Variants in HCFC2 observed in about 807,000 individuals in gnomAD.
HCFC2 encodes host cell factor 2.
In HCFC2, 18 loss-of-function variants were observed where a neutral mutation model predicts 89.2. The ratio of observed to expected loss-of-function variants is 0.20; its 90% CI spans 0.14 to 0.30. The LOEUF (loss-of-function observed/expected upper bound fraction) is 0.30. Among genes scored for constraint, HCFC2 ranks in the 10% least tolerant of loss-of-function variants. The pLI is 1.00. For missense variants in HCFC2, 578 were observed against 956.1 expected, an observed-to-expected ratio of 0.60 and a Z score of 5.21; for synonymous variants, 308 against 335.7, an observed-to-expected ratio of 0.92 and a Z score of 0.90.
chr12:104,088,584 C>T (rs949908447), intron 9 of HCFC2, among the ~76,000 whole-genome samples: 1 of 152,094 alleles, frequency 6.6e-6, no homozygotes, highest in Non-Finnish European at 1.5e-5. Flanking sequence ...TACTAAGATT[C>T]ATTATTTTTA....
At position 104,103,877 on chromosome 12, in the gene HCFC2, A is replaced by G. The variant is rs181716294; in HGVS notation, c.*604A>G. The G allele has an allele frequency of 9.2e-5, 14 of 152,238 alleles. No homozygotes were observed. The highest frequency in any genetic ancestry group is 3.4e-4 in the African/African-American group (14 of 41,578). 9.4% of individuals were successfully genotyped at this position (152,238 alleles called of 1,614,324 possible). A position where few individuals can be genotyped will look rare whatever the true frequency, so the allele number is the denominator to read the frequency against. On this transcript the variant is annotated 3_prime_UTR_variant, in exon 15 of 15. Transcript: ENST00000229330. ...GCTTTTGAACTTTTATTATTTTCCA[A>G]GAATCATGGTAAAATACAACAAGAA...
Position 104,102,114 on chromosome 12 carries a change from T to C in HCFC2, c.2025T>C (p.Pro675=), listed in dbSNP as rs755960644. 2 of 1,613,930 alleles carry C rather than the reference T, an allele frequency of 1.2e-6. No individual in the cohort carries two copies. Among genetic ancestry groups the C allele is most frequent in the Admixed American group, 3.3e-5 (2 of 60,024 alleles). The change falls in exon 14 of 15, where the codon CCT becomes CCC. Residue 675 remains proline (P), a synonymous_variant. Coordinates refer to ENST00000229330, the MANE Select transcript of HCFC2 (RefSeq NM_013320.3). ...SKISEFKTCI[P]GFPGAPSAVR... is the part of the protein sequence containing the mutation. Reference sequence around the variant, plus strand: ...TCAGTGAATTTAAAACTTGTATTCCTGGTTTTCCTGGAGCTCCTTCTGCAG... The same window carrying C: ...TCAGTGAATTTAAAACTTGTATTCCCGGTTTTCCTGGAGCTCCTTCTGCAG...
intron 13 of HCFC2, among the ~76,000 whole-genome samples, chr12:104,100,773 C>G (rs554552160): frequency 6.6e-6 from 1 of 152,006 alleles, no homozygotes; most frequent in Non-Finnish European, 1.5e-5. Context: ...AATAGAAATT[C>G]TAGTTAATAA....
chr12:104,074,412 G>A (rs967811985), intron 3 of HCFC2, among the ~76,000 whole-genome samples: 53 of 152,172 alleles, frequency 3.5e-4, no homozygotes, highest in African/African-American at 1.2e-3. Flanking sequence ...CTCCCACCTT[G>A]GCCTCCCAAA....
At chr12:104,098,606 A>G in intron 13 of HCFC2, 126 bp downstream of exon 13, 1 of 945,510 alleles carries the variant, frequency 1.1e-6, no homozygotes, top group South Asian at 1.8e-5. Context: ...ACCCTGATTC[A>G]GGTCACTTGA....
At chr12:104,092,459 CA>C (rs1386716110) in intron 9 of HCFC2, among the ~76,000 whole-genome samples, 26 of 150,068 alleles carry the variant, frequency 1.7e-4, no homozygotes, top group Non-Finnish European at 1.5e-4. Flanking sequence ...GATCCTGTCT[CA>C]AAAAAAATAA....
chr12:104,081,756 G>A (rs1883691875), intron 5 of HCFC2, among the ~76,000 whole-genome samples: 1 of 151,774 alleles, frequency 6.6e-6, no homozygotes, highest in Non-Finnish European at 1.5e-5. Context: ...AAATAGAGCT[G>A]TAGCCAGGCG....
chr12:104,086,148 C>A (rs1883835742), intron 7 of HCFC2, among the ~76,000 whole-genome samples: 1 of 152,024 alleles, frequency 6.6e-6, no homozygotes, highest in African/African-American at 2.4e-5. Context: ...CAGGCGCCAG[C>A]CACAACGCCT....
rs774893288 is a variant in HCFC2, at chr12:104,086,996, G to C, written c.1213G>C (p.Ala405Pro). 1 of 1,613,684 alleles carries C rather than the reference G, an allele frequency of 6.2e-7. No homozygotes were observed. Among genetic ancestry groups the C allele is most frequent in the South Asian group, 1.1e-5 (1 of 91,064 alleles). ...CCAAGCTGCATCATCAGATTCTTCA[G>C]CAGCACCAAATATGCAAGGTAACAT... Reference protein sequence around the residue: ...PYQAASSDSSAAPNMQGVRMD... With the variant: ...PYQAASSDSSPAPNMQGVRMD... Residue 405 changes from alanine (A) to proline (P), a missense_variant, in exon 8 of 15, where the codon GCA becomes CCA. Ala to Pro is a conservative substitution (Grantham distance 27, BLOSUM62 -1). Coordinates refer to ENST00000229330, the MANE Select transcript of HCFC2 (RefSeq NM_013320.3).
Position 104,102,236 on chromosome 12 carries a change from C to G in HCFC2, c.2064+83C>G. 1.7e-6 allele frequency: 2 copies of G among 1,189,670 alleles called. 1 individual carries two copies. Among genetic ancestry groups the G allele is most frequent in the South Asian group, 3.3e-5 (2 of 61,270 alleles). The allele number at this position is 1,189,670 out of a possible 1,614,324, so 73.7% of individuals were successfully genotyped here. A position where few individuals can be genotyped will look rare whatever the true frequency, so the allele number is the denominator to read the frequency against. Reference sequence around the variant, plus strand: ...GAAGTAAACTGTCAGTTTAGAAATTCTTGTTACCATCTAATGAAATGAGAG... The same window carrying G: ...GAAGTAAACTGTCAGTTTAGAAATTGTTGTTACCATCTAATGAAATGAGAG... On this transcript the variant is annotated intron_variant, in intron 14 of 14. Transcript: ENST00000229330.
At position 104,087,009 on chromosome 12, in the gene HCFC2, T is replaced by C; in HGVS notation, c.1226T>C (p.Met409Thr). The C allele has an allele frequency of 1.2e-6, 2 of 1,613,432 alleles. No homozygotes were observed. Among genetic ancestry groups the C allele is most frequent in the Admixed American group, 1.7e-5 (1 of 59,960 alleles). ...TCAGATTCTTCAGCAGCACCAAATA[T>C]GCAAGGTAACATAATTTTCATGCTT... ...ASSDSSAAPN[M>T]QGVRMDPHRQ... The change falls in exon 8 of 15, where the codon ATG (methionine) becomes ACG (threonine). Residue 409 changes from methionine to threonine, a missense_variant. This residue lies in a region of HCFC2 where 210 missense variants were observed against 251.7 expected (regional missense o/e 0.83). Transcript: ENST00000229330.
Position 104,103,148 on chromosome 12 carries a change from C to T in HCFC2, c.2254C>T (p.His752Tyr). Reference sequence around the variant, plus strand: ...AACTGCTGGGCAACTTGCAAATGCACATATTGATTATACATCCAGGCCTGC... The same window carrying T: ...AACTGCTGGGCAACTTGCAAATGCATATATTGATTATACATCCAGGCCTGC... The part of the protein sequence containing the change: ...IVTAGQLANA[H>Y]IDYTSRPAIV... The change falls in exon 15 of 15, where the codon CAT (histidine) becomes TAT (tyrosine). Residue 752 changes from histidine (H) to tyrosine (Y), a missense_variant. Coordinates refer to ENST00000229330, the MANE Select transcript of HCFC2 (RefSeq NM_013320.3). 1.2e-6 allele frequency: 2 copies of T among 1,614,074 alleles called. No homozygotes were observed. The highest frequency in any genetic ancestry group is 1.7e-6 in the Non-Finnish European group (2 of 1,179,946).
At chr12:104,098,572 T>A in intron 13 of HCFC2, 92 bp downstream of exon 13, 2 of 1,291,426 alleles carry the variant, frequency 1.5e-6, no homozygotes, top group Non-Finnish European at 2.1e-6. Flanking sequence ...AAAAAAAAAT[T>A]AAGAATGAGA....
chr12:104,068,043 A>G lies in HCFC2; in HGVS notation c.409A>G (p.Asn137Asp), dbSNP rs1191785404. ...TGGACATAGCTTCTCTTTATATGGT[A>G]ACAAATGCTATTTGTTTGGTGGCCT... ...RLGHSFSLYG[N>D]KCYLFGGLAN... The change falls in exon 3 of 15, where the codon AAC becomes GAC. Residue 137 changes from asparagine to aspartate, a missense_variant. By Grantham distance (23) the Asn-to-Asp change is conservative (BLOSUM62 1). Coordinates refer to ENST00000229330, the MANE Select transcript of HCFC2 (RefSeq NM_013320.3). The surrounding 1 kb of genome is among the most constrained non-coding windows in gnomAD (Gnocchi z 4.1). 2.5e-6 allele frequency: 4 copies of G among 1,602,986 alleles called. No homozygotes were observed. In the African/African-American group the frequency reaches 4.1e-5, roughly 16 times the overall value.
intron 9 of HCFC2, 41 bp from the exon 10 acceptor site, chr12:104,093,345 T>C: frequency 7.3e-7 from 1 of 1,374,976 alleles, no homozygotes. Flanking sequence ...TGTATTTCAT[T>C]GAATATTGCT....
At chr12:104,096,906 G>A (rs1455710838) in intron 12 of HCFC2, among the ~76,000 whole-genome samples, 1 of 152,132 alleles carries the variant, frequency 6.6e-6, no homozygotes, top group East Asian at 1.9e-4. Flanking sequence ...TTGAATGGCT[G>A]TATTGCTAGC....
rs1270370053 is a variant in HCFC2, at chr12:104,068,013, C to G, written c.379C>G (p.Arg127Gly). 1 of 1,609,344 alleles carries G rather than the reference C, an allele frequency of 6.2e-7. No homozygotes were observed. The highest frequency in any genetic ancestry group is 8.5e-7 in the Non-Finnish European group (1 of 1,178,182). ...TCCTTCTGGTTTACCTCCTTGTCCT[C>G]GGCTTGGACATAGCTTCTCTTTATA... ...PPPSGLPPCP[R>G]LGHSFSLYGN... Residue 127 changes from arginine (R) to glycine (G), a missense_variant, in exon 3 of 15, where the codon CGG becomes GGG. Arg to Gly is a moderately radical substitution (Grantham distance 125, BLOSUM62 -2). Around this residue, in one of 4 missense-constraint regions of HCFC2, gnomAD observed 206 missense variants for 419.2 expected, o/e 0.49. Coordinates refer to ENST00000229330, the MANE Select transcript of HCFC2 (RefSeq NM_013320.3). This position sits in a 1 kb window ranked among gnomAD's most constrained non-coding sequence, Gnocchi z 4.1.
At chr12:104,094,991 A>C (rs1884133196) in intron 10 of HCFC2, among the ~76,000 whole-genome samples, 1 of 152,166 alleles carries the variant, frequency 6.6e-6, no homozygotes, top group Non-Finnish European at 1.5e-5. Flanking sequence ...CACAATTATT[A>C]GTACAATTCT....
At chr12:104,066,770 G>C (rs1883160650) in intron 2 of HCFC2, among the ~76,000 whole-genome samples, 1 of 152,160 alleles carries the variant, frequency 6.6e-6, no homozygotes, top group Admixed American at 6.5e-5. Flanking sequence ...TTTCTACCAG[G>C]TTCCCAGCTG....
Sources: gnomAD v4.1 joint callset for allele counts (sites outside exome capture counted in the v4.1 genomes callset) on GRCh38, gnomAD v4.1.1 for gene constraint, gnomAD v4.1.1 regional missense constraint, Gnocchi (gnomAD v3.1) non-coding constraint, MANE v1.5 for transcripts, NCBI Gene and HGNC (gene_info 2026-07-23, HGNC 2026-07-21) for gene names.